MSI2: variants seen among roughly 807,000 people sequenced by gnomAD.
MSI2 encodes musashi RNA binding protein 2.
A neutral mutation model predicts 45.6 loss-of-function variants in MSI2; 17 were observed. The observed-to-expected ratio is 0.37, with a 90% confidence interval of 0.26 to 0.56. MSI2 has a LOEUF of 0.56. Among genes scored for constraint, MSI2 ranks in the 20% least tolerant of loss-of-function variants. The pLI, the probability that MSI2 is intolerant of heterozygous loss-of-function variation, is 0.77. For missense variants in MSI2, 293 were observed against 444.2 expected (o/e 0.66, Z 3.06); for synonymous variants, 156 against 158.2 (o/e 0.99, Z 0.11).
intron 7 of MSI2, among the ~76,000 whole-genome samples, chr17:57,563,744 GCGCA>G (rs772149310): frequency 1.8e-3 from 209 of 115,784 alleles, no homozygotes; most frequent in Non-Finnish European, 2.4e-3. Flanking sequence ...ACACACAGGC[GCGCA>G]CACACACACA....
intron 11 of MSI2, among the ~76,000 whole-genome samples, chr17:57,669,790 A>C (rs975751132): frequency 6.6e-6 from 1 of 152,090 alleles, no homozygotes; most frequent in Non-Finnish European, 1.5e-5. Flanking sequence ...TCTGAATTGG[A>C]CTTGGCAAAG....
rs899779570 is a variant in MSI2 at position 57,543,619 on chromosome 17, G to A, written c.454+13895G>A. ...AGTTGATTCATTTGCTCTGGAAAGAGTTTTCCTGATTCAGCTAGTATATTT... is the reference window on the plus strand; with the variant it reads ...AGTTGATTCATTTGCTCTGGAAAGAATTTTCCTGATTCAGCTAGTATATTT... On this transcript the variant is annotated intron_variant, in intron 7 of 13. Transcript: ENST00000284073. Among the ~76,000 whole-genome samples the A allele has an allele frequency of 3.9e-5, 6 of 152,310 alleles. No homozygotes were observed. The South Asian group carries it at 8.3e-4, about 21-fold the overall frequency.
intron 6 of MSI2, among the ~76,000 whole-genome samples, chr17:57,442,041 A>ATTTT (rs34318112): frequency 2.8e-5 from 4 of 143,324 alleles, no homozygotes; most frequent in African/African-American, 7.8e-5. Context: ...AACACAGCTG[A>ATTTT]TTTTTTTTTT....
chr17:57,533,620 G>A lies in MSI2; in HGVS notation c.454+3896G>A, dbSNP rs55816163. Among the ~76,000 whole-genome samples, 737 of 152,328 alleles carry A rather than the reference G, an allele frequency of 4.8e-3. 9 individuals are homozygous for A. Among genetic ancestry groups the A allele is most frequent in the African/African-American group, 0.016 (668 of 41,572 alleles). On this transcript the variant is annotated intron_variant, in intron 7 of 13. Coordinates refer to ENST00000284073, the MANE Select transcript of MSI2 (RefSeq NM_138962.4). ...GGGAATGGGCAGTTGTTGCAGGTTG[G>A]GTTCCCTGGGAAGCAACTCTAGGAA...
At chr17:57,457,262 G>C (rs993903525) in intron 6 of MSI2, among the ~76,000 whole-genome samples, 4 of 152,150 alleles carry the variant, frequency 2.6e-5, no homozygotes, top group African/African-American at 7.2e-5. Context: ...GACAGAATTG[G>C]ACTCTAGATG....
At chr17:57,455,112 C>T (rs763117621) in intron 6 of MSI2, among the ~76,000 whole-genome samples, 3 of 152,198 alleles carry the variant, frequency 2.0e-5, no homozygotes, top group Non-Finnish European at 2.9e-5. Flanking sequence ...TCAGTGACTT[C>T]GAGTTCCCTC....
At position 57,355,125 on chromosome 17, in the gene MSI2, C is replaced by T. The variant is rs376579183; in HGVS notation, c.313-46254C>T. ...TTTGTCACAGCTGGTCCCAGGGCTC[C>T]GGTGATGTCACCATGGCTCTCTCTG... is the stretch of plus-strand genomic sequence containing the variant. On this transcript the variant is annotated intron_variant, in intron 5 of 13. Coordinates refer to ENST00000284073, the MANE Select transcript of MSI2 (RefSeq NM_138962.4). Among the ~76,000 whole-genome samples, 30 of 152,262 alleles carry T rather than the reference C, an allele frequency of 2.0e-4. No individual in the cohort carries two copies. The East Asian group carries it at 2.5e-3, about 13-fold the overall frequency.
At chr17:57,434,749 G>A (rs1182829158) in intron 6 of MSI2, among the ~76,000 whole-genome samples, 1 of 151,834 alleles carries the variant, frequency 6.6e-6, no homozygotes, top group East Asian at 1.9e-4. Flanking sequence ...ATTGTTTTAA[G>A]TCTGAGTAGT....
At chr17:57,440,413 C>CGTGTGTGTGTGTGTGTGTGTGTGTGT (rs71139995) in intron 6 of MSI2, among the ~76,000 whole-genome samples, 9 of 104,596 alleles carry the variant, frequency 8.6e-5, no homozygotes, top group East Asian at 6.9e-4. Flanking sequence ...GTTTGTTATC[C>CGTGTGTGTGTGTGTGTGTGTGTGTGT]GTGTGTGTGT....
chr17:57,257,586 A>G (rs1462908805), intron 3 of MSI2, 39 bp downstream of exon 3: 2 of 1,432,388 alleles, frequency 1.4e-6, no homozygotes, highest in Admixed American at 1.7e-5. Flanking sequence ...TTATTTTAGA[A>G]CAAAGTTTAA....
At chr17:57,461,060 T>C (rs1053457019) in intron 6 of MSI2, among the ~76,000 whole-genome samples, 1 of 152,136 alleles carries the variant, frequency 6.6e-6, no homozygotes, top group Non-Finnish European at 1.5e-5. Context: ...GGGGCTGCAG[T>C]CTCCCCTTGT....
chr17:57,301,259 A>T (rs970235228), intron 5 of MSI2, among the ~76,000 whole-genome samples: 6 of 152,224 alleles, frequency 3.9e-5, no homozygotes, highest in Admixed American at 3.9e-4. Flanking sequence ...CACAAGGGAA[A>T]AAGGTGGTAG....
At chr17:57,410,006 T>C (rs1598231557) in intron 6 of MSI2, among the ~76,000 whole-genome samples, 2 of 1,154 alleles carry the variant, frequency 1.7e-3, no homozygotes, top group South Asian at 0.045. Context: ...AGACTCTGTC[T>C]CCAAAAAAAA....
At chr17:57,523,387 T>G (rs1209701169) in intron 6 of MSI2, among the ~76,000 whole-genome samples, 2 of 152,182 alleles carry the variant, frequency 1.3e-5, no homozygotes, top group African/African-American at 4.8e-5. Flanking sequence ...AGCCAGCACG[T>G]GAGCTGGGCT....
rs112519394 is a variant in MSI2, at chr17:57,338,295, G to C, written c.313-63084G>C. ...AGTAGAGATGGGGTTTCACCATGTTGGCCAGGCTGGTCCCGAACTCCTGAC... is the reference window on the plus strand; with the variant it reads ...AGTAGAGATGGGGTTTCACCATGTTCGCCAGGCTGGTCCCGAACTCCTGAC... On this transcript the variant is annotated intron_variant, in intron 5 of 13. Coordinates refer to ENST00000284073, the MANE Select transcript of MSI2 (RefSeq NM_138962.4). Among the ~76,000 whole-genome samples the C allele has an allele frequency of 5.1e-3, 776 of 152,178 alleles. 2 individuals are homozygous for C. Among genetic ancestry groups the C allele is most frequent in the African/African-American group, 0.017 (692 of 41,476 alleles).
intron 6 of MSI2, among the ~76,000 whole-genome samples, chr17:57,408,911 C>T (rs1458116694): frequency 6.6e-6 from 1 of 151,978 alleles, no homozygotes; most frequent in South Asian, 2.1e-4. Context: ...GTAGGATACC[C>T]CCTTACACAG....
At chr17:57,675,448 C>T (rs541777941) in intron 12 of MSI2, among the ~76,000 whole-genome samples, 1 of 152,360 alleles carries the variant, frequency 6.6e-6, no homozygotes, top group South Asian at 2.1e-4. Flanking sequence ...AAACCAGAAT[C>T]TCTATGCTTT....
At chr17:57,362,940 C>G (rs771499221) in intron 5 of MSI2, among the ~76,000 whole-genome samples, 8 of 152,176 alleles carry the variant, frequency 5.3e-5, no homozygotes, top group Non-Finnish European at 5.9e-5. Context: ...AGCCACTGTA[C>G]AAAGCACTGT....
intron 7 of MSI2, among the ~76,000 whole-genome samples, chr17:57,585,251 A>G (rs1365450032): frequency 6.6e-6 from 1 of 152,208 alleles, no homozygotes; most frequent in Non-Finnish European, 1.5e-5. Context: ...CCTTACAGAC[A>G]TGTCAAGTGG....
Sources: gnomAD v4.1 joint callset for allele counts (sites outside exome capture counted in the v4.1 genomes callset) on GRCh38, gnomAD v4.1.1 for gene constraint, MANE v1.5 for transcripts, NCBI Gene and HGNC (gene_info 2026-07-23, HGNC 2026-07-21) for gene names.